Variants in FOCAD observed in about 807,000 individuals in gnomAD.
FOCAD encodes the protein KIAA1797.
Under a neutral mutation model 225.6 loss-of-function variants are expected in FOCAD, and 198 were observed. That is an observed-to-expected ratio of 0.88 (90% CI 0.78 to 0.99). The LOEUF is 0.99. Ranked by LOEUF, FOCAD falls within the 50% of genes least tolerant of loss-of-function variation. The probability of loss-of-function intolerance (pLI) is 0.00; values close to 1 mark genes in which losing one functional copy is unlikely to be tolerated. For synonymous variants in FOCAD, 897 were observed against 755.0 expected, an observed-to-expected ratio of 1.19 and a Z score of -3.08; for missense variants, 2,713 against 2,123.6, an observed-to-expected ratio of 1.28 and a Z score of -5.46.
At chr9:20,803,312 A>G (rs540163339) in intron 11 of FOCAD, among the ~76,000 whole-genome samples, 2 of 152,028 alleles carry the variant, frequency 1.3e-5, no homozygotes, top group African/African-American at 2.4e-5. Context: ...CCTACCTTCT[A>G]CCTGCCCCAT....
At position 20,949,679 on chromosome 9, in the gene FOCAD, A is replaced by G; in HGVS notation, c.3948+4A>G. The G allele has an allele frequency of 6.2e-7, 1 of 1,610,108 alleles. No homozygotes were observed. Among genetic ancestry groups the G allele is most frequent in the Non-Finnish European group, 8.5e-7 (1 of 1,176,756 alleles). ...AGTCATTAGAACCTTAACTCAGGTG[A>G]GAAAATGAATTTAAAATCCTTGGGT... On this transcript the variant is annotated splice_donor_region_variant and intron_variant, in intron 33 of 43. Transcript: ENST00000338382.
intron 27 of FOCAD, among the ~76,000 whole-genome samples, chr9:20,930,527 C>T (rs1285092582): frequency 6.6e-6 from 1 of 152,158 alleles, no homozygotes; most frequent in African/African-American, 2.4e-5. Context: ...AAGGCAAGAA[C>T]TGGTGTTGGT....
At chr9:20,721,974 CCCCTCCTTCCCT>C (rs1309192894) in intron 4 of FOCAD, among the ~76,000 whole-genome samples, 10 of 39,292 alleles carry the variant, frequency 2.5e-4, no homozygotes, top group African/African-American at 5.5e-4. Context: ...TCTTTTTTCT[CCCCTCCTTCCCT>C]CCCTCCCTCC....
At chr9:20,783,931 G>A (rs1167383689) in intron 10 of FOCAD, among the ~76,000 whole-genome samples, 1 of 152,180 alleles carries the variant, frequency 6.6e-6, no homozygotes, top group Non-Finnish European at 1.5e-5. Context: ...AGCAAGAGGT[G>A]TTTAGTTATA....
intron 5 of FOCAD, among the ~76,000 whole-genome samples, chr9:20,746,903 G>A (rs964499285): frequency 4.6e-5 from 7 of 151,980 alleles, no homozygotes; most frequent in African/African-American, 1.5e-4. Context: ...CATGGTGTTG[G>A]CATTTTTGAA....
Position 20,722,138 on chromosome 9 carries a change from G to A in FOCAD, c.287+1604G>A, listed in dbSNP as rs1024226090. Among the ~76,000 whole-genome samples the A allele has an allele frequency of 1.1e-4, 17 of 150,004 alleles. No individual in the cohort carries two copies. In the South Asian group the frequency reaches 3.4e-3, roughly 30 times the overall value. ...GCTCACTCAAGCCTCAAACTACTGG[G>A]CTCAAGTAGTCCTCCCGCCTCAGCC... On this transcript the variant is annotated intron_variant, in intron 4 of 43. Coordinates refer to ENST00000338382, the MANE Select transcript of FOCAD (RefSeq NM_001375567.1).
At chr9:20,791,067 T>G (rs1402097534) in intron 11 of FOCAD, among the ~76,000 whole-genome samples, 2 of 152,216 alleles carry the variant, frequency 1.3e-5, no homozygotes, top group African/African-American at 4.8e-5. Context: ...CTTTCAGTGT[T>G]GACACTTGGT....
At chr9:20,671,091 G>T (rs545462062) in intron 2 of FOCAD, among the ~76,000 whole-genome samples, 3 of 152,038 alleles carry the variant, frequency 2.0e-5, no homozygotes, top group Non-Finnish European at 4.4e-5. Flanking sequence ...TCTGTAATAA[G>T]ACAATGAAAT....
At chr9:20,831,152 G>A (rs1264444887) in intron 15 of FOCAD, among the ~76,000 whole-genome samples, 1 of 152,028 alleles carries the variant, frequency 6.6e-6, no homozygotes, top group African/African-American at 2.4e-5. Flanking sequence ...TGTGGTTTAA[G>A]TATACAAGGG....
chr9:20,770,180 C>T lies in FOCAD; in HGVS notation c.848C>T (p.Thr283Ile), dbSNP rs776529704. The T allele has an allele frequency of 6.2e-7, 1 of 1,614,092 alleles. No individual in the cohort carries two copies. Among genetic ancestry groups the T allele is most frequent in the Non-Finnish European group, 8.5e-7 (1 of 1,180,008 alleles). ...GTCAGTGAAGTCAGCTTAAAGATAA[C>T]TGGTGAATGTTCATCTTCAATTCAC... ...LCVSEVSLKI[T>I]GECSSSIHLL... Residue 283 changes from threonine (T) to isoleucine (I), a missense_variant, in exon 8 of 44, where the codon ACT becomes ATT. By Grantham distance (89) the Thr-to-Ile change is moderately conservative. Transcript: ENST00000338382.
At chr9:20,665,846 C>A (rs1394998209) in intron 2 of FOCAD, among the ~76,000 whole-genome samples, 1 of 151,898 alleles carries the variant, frequency 6.6e-6, no homozygotes, top group Non-Finnish European at 1.5e-5. Flanking sequence ...GCCTGGCCAA[C>A]ATGGTGAAAC....
chr9:20,866,925 C>CAAAA lies in FOCAD; in HGVS notation c.2107-4_2107-3insAAAA. 1 of 289,368 alleles carries CAAAA rather than the reference C, an allele frequency of 3.5e-6. No individual in the cohort carries two copies. Among genetic ancestry groups the CAAAA allele is most frequent in the Non-Finnish European group, 6.6e-6 (1 of 152,538 alleles). 17.9% of individuals were successfully genotyped at this position (289,368 alleles called of 1,614,324 possible). A position where few individuals can be genotyped will look rare whatever the true frequency, so the allele number is the denominator to read the frequency against. ...TTTTTTTTTTTTTTTTTTACCCTAT[C>CAAAA]TAGGACCCAATTGTAGCAAATGCTG... On this transcript the variant is annotated splice_region_variant and splice_polypyrimidine_tract_variant and intron_variant, in intron 17 of 43. Coordinates refer to ENST00000338382, the MANE Select transcript of FOCAD (RefSeq NM_001375567.1).
chr9:20,729,463 A>G (rs1210942301), intron 4 of FOCAD, among the ~76,000 whole-genome samples: 2 of 152,174 alleles, frequency 1.3e-5, no homozygotes, highest in African/African-American at 4.8e-5. Context: ...ATCCCAAGAT[A>G]CTTAATTTAA....
intron 11 of FOCAD, among the ~76,000 whole-genome samples, chr9:20,799,858 A>G (rs1233904995): frequency 1.3e-5 from 2 of 152,040 alleles, no homozygotes; most frequent in South Asian, 2.1e-4. Flanking sequence ...TTTAAGGTTA[A>G]TATTGTTATG....
At chr9:20,860,225 CAT>C (rs1047363981) in intron 15 of FOCAD, among the ~76,000 whole-genome samples, 16 of 152,028 alleles carry the variant, frequency 1.1e-4, no homozygotes, top group African/African-American at 3.9e-4. Flanking sequence ...GAATTATGGA[CAT>C]GTGTGTTTAA....
At chr9:20,815,373 G>C (rs1224609201) in intron 11 of FOCAD, among the ~76,000 whole-genome samples, 2 of 149,770 alleles carry the variant, frequency 1.3e-5, no homozygotes, top group African/African-American at 4.9e-5. Context: ...TCGAACTCCT[G>C]ATCTCAGGTG....
chr9:20,856,919 C>T (rs1828241650), intron 15 of FOCAD, among the ~76,000 whole-genome samples: 1 of 151,840 alleles, frequency 6.6e-6, no homozygotes, highest in Non-Finnish European at 1.5e-5. Context: ...TTTATTTCTG[C>T]ATTCTCTATT....
chr9:20,879,918 A>C (rs915003670), intron 19 of FOCAD, among the ~76,000 whole-genome samples: 9 of 152,092 alleles, frequency 5.9e-5, no homozygotes, highest in Non-Finnish European at 1.3e-4. Flanking sequence ...GACATGTTTC[A>C]CCTTTTGCCA....
chr9:20,899,492 T>A (rs1227166536), intron 21 of FOCAD, among the ~76,000 whole-genome samples: 1 of 151,992 alleles, frequency 6.6e-6, no homozygotes, highest in Admixed American at 6.6e-5. Context: ...AGCACTTTGC[T>A]CTGTGACCTG....
Sources: allele counts gnomAD v4.1 joint callset (sites outside exome capture counted in the v4.1 genomes callset), GRCh38; gene constraint gnomAD v4.1.1; transcripts MANE v1.5; gene names NCBI Gene and HGNC (gene_info 2026-07-23, HGNC 2026-07-21).